Variants in ARIH1 observed in about 807,000 individuals in gnomAD.
The protein encoded by ARIH1 is E3 ubiquitin-protein ligase ARIH1.
In ARIH1, 8 loss-of-function variants were observed where a neutral mutation model predicts 85.0. The observed-to-expected ratio is 0.09, with a 90% CI of 0.06 to 0.17. The LOEUF (loss-of-function observed/expected upper bound fraction) is 0.17. ARIH1 is among the 10% of genes least tolerant of loss of function. The pLI is 1.00. For missense variants in ARIH1, 311 were observed against 718.1 expected, an observed-to-expected ratio of 0.43 and a Z score of 6.48; for synonymous variants, 238 against 253.6, an observed-to-expected ratio of 0.94 and a Z score of 0.59.
intron 7 of ARIH1, 136 bp downstream of exon 7, chr15:72,563,636 T>A: frequency 1.5e-6 from 1 of 670,152 alleles, no homozygotes; most frequent in East Asian, 2.9e-5. Flanking sequence ...TAAAATAGTA[T>A]ATATCTCTTT....
chr15:72,487,197 A>G (rs1595849477), intron 1 of ARIH1, among the ~76,000 whole-genome samples: 1 of 152,172 alleles, frequency 6.6e-6, no homozygotes, highest in African/African-American at 2.4e-5. Context: ...CAGAGCAGGT[A>G]ATGAAGTATT....
At chr15:72,519,378 A>T (rs1490267983) in intron 2 of ARIH1, among the ~76,000 whole-genome samples, 3 of 151,704 alleles carry the variant, frequency 2.0e-5, no homozygotes, top group Non-Finnish European at 4.4e-5. Context: ...ATCTCAAAAC[A>T]AACACATACT....
At chr15:72,562,978 C>T (rs1296208114) in intron 6 of ARIH1, among the ~76,000 whole-genome samples, 2 of 151,386 alleles carry the variant, frequency 1.3e-5, no homozygotes, top group Non-Finnish European at 2.9e-5. Flanking sequence ...AATTATCCCC[C>T]ATTTGCCCCT....
chr15:72,563,266 C>G (rs1208326179), intron 6 of ARIH1, 128 bp from the exon 7 acceptor site: 1 of 677,384 alleles, frequency 1.5e-6, no homozygotes, highest in African/African-American at 1.8e-5. Flanking sequence ...GCTATGTTGC[C>G]CGGGCTGGTC....
intron 1 of ARIH1, among the ~76,000 whole-genome samples, chr15:72,517,123 T>G (rs2140410471): frequency 6.6e-6 from 1 of 152,320 alleles, no homozygotes; most frequent in South Asian, 2.1e-4. Context: ...AGTGGTAACT[T>G]TTCTTTCTTG....
rs2577579 is a variant in ARIH1, at chr15:72,489,161, C to T, written c.375+14147C>T. Among the ~76,000 whole-genome samples, 324 of 145,976 alleles carry T rather than the reference C, an allele frequency of 2.2e-3. 1 individual carries two copies. Among genetic ancestry groups the T allele is most frequent in the African/African-American group, 7.9e-3 (318 of 40,030 alleles). ...AGGCTGAAGTGGGAGAAGAGGATTG[C>T]TGAGCTCAGGAGGTCAATCAAGGCT... is the stretch of plus-strand genomic sequence containing the variant. On this transcript the variant is annotated intron_variant, in intron 1 of 13. Coordinates refer to ENST00000379887, the MANE Select transcript of ARIH1 (RefSeq NM_005744.5).
At chr15:72,491,133 AAAAAT>A (rs1411030906) in intron 1 of ARIH1, among the ~76,000 whole-genome samples, 3 of 152,080 alleles carry the variant, frequency 2.0e-5, no homozygotes, top group African/African-American at 7.2e-5. Context: ...AATAAAAATA[AAAAAT>A]AAAAGATTTA....
chr15:72,526,079 G>A (rs982880140), intron 2 of ARIH1, among the ~76,000 whole-genome samples: 4 of 152,090 alleles, frequency 2.6e-5, no homozygotes, highest in Admixed American at 1.3e-4. Context: ...TTGTAACATC[G>A]TATTTTTTAA....
intron 1 of ARIH1, among the ~76,000 whole-genome samples, chr15:72,480,609 G>T (rs1235456152): frequency 6.6e-6 from 1 of 151,990 alleles, no homozygotes; most frequent in Admixed American, 6.6e-5. Context: ...TTGTTGCCCA[G>T]GCTGGAGTGC....
rs2063908674 is a variant in ARIH1 at position 72,502,685 on chromosome 15, A to G, written c.376-15382A>G. Reference sequence around the variant, plus strand: ...GCCTGGCATCGTGGCACGTGCCTGTAGTCCCAGTTACTTGGGAAGCTGAGG... The same window carrying G: ...GCCTGGCATCGTGGCACGTGCCTGTGGTCCCAGTTACTTGGGAAGCTGAGG... On this transcript the variant is annotated intron_variant, in intron 1 of 13. Transcript: ENST00000379887. Among the ~76,000 whole-genome samples, 3 of 152,178 alleles carry G rather than the reference A, an allele frequency of 2.0e-5. No individual in the cohort carries two copies. In the South Asian group the frequency reaches 6.2e-4, roughly 32 times the overall value.
At chr15:72,528,732 A>T (rs757183120) in intron 2 of ARIH1, among the ~76,000 whole-genome samples, 1 of 152,124 alleles carries the variant, frequency 6.6e-6, no homozygotes, top group Non-Finnish European at 1.5e-5. Context: ...ATGCACACCT[A>T]TAGTCCCAGC....
At chr15:72,504,788 C>G (rs1382960276) in intron 1 of ARIH1, among the ~76,000 whole-genome samples, 2 of 152,092 alleles carry the variant, frequency 1.3e-5, no homozygotes, top group African/African-American at 4.8e-5. Flanking sequence ...GGAACCCACC[C>G]CTGTCTGCCT....
chr15:72,512,105 T>G (rs1490494703), intron 1 of ARIH1, among the ~76,000 whole-genome samples: 1 of 152,216 alleles, frequency 6.6e-6, no homozygotes, highest in East Asian at 1.9e-4. Flanking sequence ...TCTTTGTTCA[T>G]GTAGTAATTT....
intron 2 of ARIH1, among the ~76,000 whole-genome samples, chr15:72,533,121 G>A (rs1396076843): frequency 6.6e-6 from 1 of 152,130 alleles, no homozygotes; most frequent in East Asian, 1.9e-4. Flanking sequence ...AGAAATGCCT[G>A]TGTTTTTGGG....
intron 3 of ARIH1, among the ~76,000 whole-genome samples, chr15:72,547,682 CTA>C (rs2064135774): frequency 2.0e-5 from 3 of 152,112 alleles, no homozygotes; most frequent in Non-Finnish European, 4.4e-5. Flanking sequence ...AATATTTTGA[CTA>C]TTTTATTGTC....
rs1202567669 is a variant in ARIH1 at position 72,600,014 on chromosome 15, G to A, written c.*16722G>A. 1 of 152,196 alleles carries A rather than the reference G, an allele frequency of 6.6e-6. No individual in the cohort carries two copies. Among genetic ancestry groups the A allele is most frequent in the East Asian group, 1.9e-4 (1 of 5,198 alleles). 9.4% of individuals were successfully genotyped at this position (152,196 alleles called of 1,614,324 possible). A position where few individuals can be genotyped will look rare whatever the true frequency, so the allele number is the denominator to read the frequency against. On this transcript the variant is annotated 3_prime_UTR_variant, in exon 14 of 14. Transcript: ENST00000379887. ...TGTGGTATAGGTTTTGGGAGGACTG[G>A]ACACTTCCAAAGAGAAATAAGATGT...
chr15:72,568,889 A>G (rs1251755402), intron 9 of ARIH1, among the ~76,000 whole-genome samples: 2 of 152,200 alleles, frequency 1.3e-5, no homozygotes, highest in African/African-American at 2.4e-5. Flanking sequence ...AAAGAAGGCC[A>G]AATTGTGCAA....
At chr15:72,558,836 C>T (rs1295875708) in intron 5 of ARIH1, among the ~76,000 whole-genome samples, 1 of 152,036 alleles carries the variant, frequency 6.6e-6, no homozygotes, top group African/African-American at 2.4e-5. Context: ...GTTTAGATAG[C>T]TTTTTAGGCT....
chr15:72,517,539 C>T (rs2063980736), intron 1 of ARIH1, among the ~76,000 whole-genome samples: 1 of 151,978 alleles, frequency 6.6e-6, no homozygotes, highest in Non-Finnish European at 1.5e-5. Flanking sequence ...ATTCTCGTGC[C>T]TCAGCCTCCC....
Sources: gnomAD v4.1 joint callset for allele counts (sites outside exome capture counted in the v4.1 genomes callset) on GRCh38, gnomAD v4.1.1 for gene constraint, MANE v1.5 for transcripts, NCBI Gene and HGNC (gene_info 2026-07-23, HGNC 2026-07-21) for gene names.